CLECL1: variants seen among roughly 807,000 people sequenced by gnomAD.
CLECL1 encodes C-type lectin-like domain family 1.
chr12:9,720,501 C>G (rs890738651), downstream of CLECL1, among the ~76,000 whole-genome samples: 1 of 152,024 alleles, frequency 6.6e-6, no homozygotes, highest in Non-Finnish European at 1.5e-5. Flanking sequence ...ACCACCACAC[C>G]CGGCTAATTT....
chr12:9,711,551 T>C (rs1310463550), downstream of CLECL1, among the ~76,000 whole-genome samples: 1 of 152,044 alleles, frequency 6.6e-6, no homozygotes, highest in East Asian at 1.9e-4. Context: ...TTCACCGTAC[T>C]CAACTATCAG....
At chr12:9,734,000 G>C (rs538522683), upstream of CLECL1, among the ~76,000 whole-genome samples, 23 of 152,238 alleles carry the variant, frequency 1.5e-4, no homozygotes, top group Non-Finnish European at 3.1e-4. Context: ...GGAAATAATG[G>C]AGGAGAGCCT....
the CLECL1 span, among the ~76,000 whole-genome samples, chr12:9,709,891 C>T: frequency 1.7e-3 from 260 of 152,264 alleles, 1 homozygote; most frequent in African/African-American, 6.1e-3. Flanking sequence ...AAGTGGCTAC[C>T]TTGGTCTTTT....
At chr12:9,727,467 T>C (rs1037944906) in intron 3 of CLECL1, among the ~76,000 whole-genome samples, 6 of 151,804 alleles carry the variant, frequency 4.0e-5, no homozygotes, top group Non-Finnish European at 8.9e-5. Flanking sequence ...TCTATTGTGA[T>C]AGAGAAGTTT....
chr12:9,726,625 A>G (rs760196821), intron 3 of CLECL1, among the ~76,000 whole-genome samples: 173 of 152,108 alleles, frequency 1.1e-3, no homozygotes, highest in African/African-American at 4.0e-3. Flanking sequence ...CCATTTTGTT[A>G]TTTTAAGATA....
chr12:9,731,816 A>G (rs1260657705), intron 1 of CLECL1, among the ~76,000 whole-genome samples: 12 of 152,252 alleles, frequency 7.9e-5, no homozygotes. Context: ...AACCATAGAC[A>G]GAAAGGCAAT....
chr12:9,733,083 C>T, upstream of CLECL1: 1 of 1,611,366 alleles, frequency 6.2e-7, no homozygotes, highest in Non-Finnish European at 8.5e-7. Context: ...ACTGAAGGGA[C>T]AATCATATTT....
downstream of CLECL1, among the ~76,000 whole-genome samples, chr12:9,710,881 C>G (rs1019654173): frequency 6.6e-6 from 1 of 152,162 alleles, no homozygotes; most frequent in Non-Finnish European, 1.5e-5. Context: ...CTGCTGGTAG[C>G]TATTTCCACT....
At chr12:9,721,204 A>G (rs1340518072), downstream of CLECL1, among the ~76,000 whole-genome samples, 1 of 148,334 alleles carries the variant, frequency 6.7e-6, no homozygotes, top group African/African-American at 2.6e-5. Context: ...GATACCCTAG[A>G]TGGACTAATA....
chr12:9,707,131 A>G, the CLECL1 span, among the ~76,000 whole-genome samples: 1 of 152,114 alleles, frequency 6.6e-6, no homozygotes, highest in African/African-American at 2.4e-5. Flanking sequence ...AGATTTTCTA[A>G]TTTATGTGCA....
downstream of CLECL1, among the ~76,000 whole-genome samples, chr12:9,711,337 G>A (rs1026399776): frequency 6.6e-6 from 1 of 152,126 alleles, no homozygotes; most frequent in African/African-American, 2.4e-5. Context: ...GAGAAGGTTG[G>A]TGTTCTGTTT....
chr12:9,713,107 T>C (rs762336473), downstream of CLECL1, among the ~76,000 whole-genome samples: 2 of 152,294 alleles, frequency 1.3e-5, no homozygotes, highest in East Asian at 1.9e-4. Flanking sequence ...AGGGTCGTGA[T>C]TGATTTGAGC....
At chr12:9,704,619 T>C in the CLECL1 span, among the ~76,000 whole-genome samples, 4 of 152,184 alleles carry the variant, frequency 2.6e-5, no homozygotes, top group African/African-American at 9.7e-5. Context: ...TATCTATGTG[T>C]TCTCATCATT....
downstream of CLECL1, among the ~76,000 whole-genome samples, chr12:9,713,510 G>A (rs1866213355): frequency 6.6e-6 from 1 of 152,188 alleles, no homozygotes; most frequent in Admixed American, 6.5e-5. Flanking sequence ...GCCTGTCTTT[G>A]GTTTTACTTT....
At chr12:9,702,494 G>T in the CLECL1 span, among the ~76,000 whole-genome samples, 2 of 152,168 alleles carry the variant, frequency 1.3e-5, no homozygotes, top group African/African-American at 4.8e-5. Flanking sequence ...AAAGCAACAT[G>T]TGAGTGGGAA....
upstream of CLECL1, chr12:9,733,331 AC>A: frequency 9.4e-7 from 1 of 1,067,890 alleles, no homozygotes; most frequent in Non-Finnish European, 1.4e-6. Flanking sequence ...TTTTATTAAT[AC>A]CACAGAAGAT....
chr12:9,732,393 A>G (rs991027604), intron 1 of CLECL1, among the ~76,000 whole-genome samples: 10 of 152,264 alleles, frequency 6.6e-5, no homozygotes, highest in Non-Finnish European at 1.5e-5. Flanking sequence ...TGAAGGCACC[A>G]TGTTAAGTTT....
At chr12:9,723,666 C>A (rs1866341966) in intron 3 of CLECL1, among the ~76,000 whole-genome samples, 1 of 152,078 alleles carries the variant, frequency 6.6e-6, no homozygotes, top group African/African-American at 2.4e-5. Flanking sequence ...AACCAGAGAA[C>A]AGAGTTAAGA....
At chr12:9,705,261 T>C in the CLECL1 span, among the ~76,000 whole-genome samples, 1 of 152,164 alleles carries the variant, frequency 6.6e-6, no homozygotes, top group Non-Finnish European at 1.5e-5. Context: ...TGAGGTCTTT[T>C]TTTTTTGTAA....
Sources: gnomAD v4.1 joint callset for allele counts (sites outside exome capture counted in the v4.1 genomes callset) on GRCh38, gnomAD v4.1.1 for gene constraint, MANE v1.5 for transcripts, NCBI Gene and HGNC (gene_info 2026-07-23, HGNC 2026-07-21) for gene names.